PXN: variants seen among roughly 807,000 people sequenced by gnomAD.
PXN encodes the protein paxillin.
A neutral mutation model predicts 103.6 loss-of-function variants in PXN; 61 were observed. The ratio of observed to expected loss-of-function variants is 0.59; its 90% CI spans 0.48 to 0.73. The LOEUF (loss-of-function observed/expected upper bound fraction) is 0.73, where lower values mean the gene tolerates loss of function less well. Among genes scored for constraint, PXN ranks in the 30% least tolerant of loss-of-function variants. The pLI is 0.00. For missense variants in PXN, 1,274 were observed against 1,460.3 expected, an observed-to-expected ratio of 0.87 and a Z score of 2.08; for synonymous variants, 562 against 607.8, an observed-to-expected ratio of 0.92 and a Z score of 1.11.
chr12:120,244,443 G>A (rs1336271081), intron 1 of PXN, among the ~76,000 whole-genome samples: 2 of 151,574 alleles, frequency 1.3e-5, no homozygotes, highest in Non-Finnish European at 2.9e-5. Flanking sequence ...TCAGGAGATC[G>A]AGACCATCCT....
At chr12:120,258,517 G>A (rs1048440926) in intron 1 of PXN, among the ~76,000 whole-genome samples, 9 of 152,110 alleles carry the variant, frequency 5.9e-5, no homozygotes, top group Non-Finnish European at 1.2e-4. Context: ...CAGTCATTCA[G>A]GCCAACCATA....
At position 120,215,899 on chromosome 12, in the gene PXN, G is replaced by C; in HGVS notation, c.2302-238C>G. 5 of 1,382,598 alleles carry C rather than the reference G, an allele frequency of 3.6e-6. No homozygotes were observed. Among genetic ancestry groups the C allele is most frequent in the Non-Finnish European group, 9.4e-7 (1 of 1,062,994 alleles). 85.6% of individuals were successfully genotyped at this position (1,382,598 alleles called of 1,614,324 possible). A position where few individuals can be genotyped will look rare whatever the true frequency, so the allele number is the denominator to read the frequency against. ...CCAAAGGCAGAGGAAATGGCAAGGG[G>C]AGGTGGCCGGGCTCAGTGATGAGGC... On this transcript the variant is annotated intron_variant, in intron 9 of 14. Transcript: ENST00000637617. The surrounding 1 kb of genome is among the most constrained non-coding windows in gnomAD (Gnocchi z 4.9).
intron 1 of PXN, among the ~76,000 whole-genome samples, chr12:120,231,557 C>T (rs2136416896): frequency 6.6e-6 from 1 of 152,164 alleles, no homozygotes; most frequent in African/African-American, 2.4e-5. Flanking sequence ...CAGTCAGCCG[C>T]CAGGGGAGGA....
chr12:120,213,815 C>T lies in PXN; in HGVS notation c.2979+27G>A. ...TCTCCCCACTGCCTGCTCCTCGCCC[C>T]TCCAGATGTGGTCAGGGGCTCCTTA... is the stretch of plus-strand genomic sequence containing the variant. On this transcript the variant is annotated intron_variant, in intron 14 of 14. Transcript: ENST00000637617. The surrounding 1 kb of genome is among the most constrained non-coding windows in gnomAD (Gnocchi z 4.2). The T allele has an allele frequency of 6.2e-7, 1 of 1,602,194 alleles. No homozygotes were observed. The highest frequency in any genetic ancestry group is 1.7e-4 in the Middle Eastern group (1 of 6,024).
chr12:120,232,386 C>T (rs567022062), intron 1 of PXN, among the ~76,000 whole-genome samples: 146 of 152,332 alleles, frequency 9.6e-4, no homozygotes, highest in Non-Finnish European at 1.8e-3. Flanking sequence ...GCCCTCCCTC[C>T]TCCAGAGGTC....
Position 120,212,262 on chromosome 12 carries a change from C to T in PXN, c.*52G>A, listed in dbSNP as rs1293695629. The T allele has an allele frequency of 1.3e-5, 21 of 1,585,840 alleles. No individual in the cohort carries two copies. Among genetic ancestry groups the T allele is most frequent in the East Asian group, 6.7e-5 (3 of 44,568 alleles). Reference sequence around the variant, plus strand: ...CCGGGTGAAGTCTCTAGGTCACAGTCGCAGTTGGGGATGCTGGCTGGGGAA... The same window carrying T: ...CCGGGTGAAGTCTCTAGGTCACAGTTGCAGTTGGGGATGCTGGCTGGGGAA... On this transcript the variant is annotated 3_prime_UTR_variant, in exon 15 of 15. Transcript: ENST00000637617. This position sits in a 1 kb window ranked among gnomAD's most constrained non-coding sequence, Gnocchi z 7.2.
intron 1 of PXN, among the ~76,000 whole-genome samples, chr12:120,253,379 A>G (rs191159881): frequency 1.0e-3 from 156 of 152,196 alleles, no homozygotes; most frequent in Non-Finnish European, 1.8e-3. Flanking sequence ...AGGCTGAGAC[A>G]GGAGAATTGC....
Position 120,219,791 on chromosome 12 carries a change from C to T in PXN, c.1132G>A (p.Glu378Lys). 1.3e-6 allele frequency: 2 copies of T among 1,598,294 alleles called. No homozygotes were observed. The highest frequency in any genetic ancestry group is 1.7e-6 in the Non-Finnish European group (2 of 1,179,738). Residue 378 changes from glutamate (E) to lysine (K), a missense_variant, in exon 7 of 15, where the codon GAG (glutamate) becomes AAG (lysine). Physicochemically the swap from Glu to Lys is moderately conservative, Grantham distance 56. Coordinates refer to ENST00000637617, the MANE Select transcript of PXN (RefSeq NM_001385981.1). The surrounding 1 kb of genome is among the most constrained non-coding windows in gnomAD (Gnocchi z 6.5). ...VEGSLWAVGT[E>K]SQGRDWRHLP... is the part of the protein sequence containing the mutation. ...TGCCTCCAATCTCGACCCTGACTCT[C>T]TGTGCCCACTGCCCACAGAGAACCC...
chr12:120,215,856 G>A lies in PXN; in HGVS notation c.2302-195C>T. On this transcript the variant is annotated intron_variant, in intron 9 of 14. Coordinates refer to ENST00000637617, the MANE Select transcript of PXN (RefSeq NM_001385981.1). The surrounding 1 kb of genome is among the most constrained non-coding windows in gnomAD (Gnocchi z 4.9). ...AGAGGCCTAGGGAGAAAGGAAGAAGGACAGGGAGGGGAGTCGACCAAAGGC... is the reference window on the plus strand; with the variant it reads ...AGAGGCCTAGGGAGAAAGGAAGAAGAACAGGGAGGGGAGTCGACCAAAGGC... 3 of 1,308,090 alleles carry A rather than the reference G, an allele frequency of 2.3e-6. No homozygotes were observed. The highest frequency in any genetic ancestry group is 3.0e-6 in the Non-Finnish European group (3 of 996,146). The allele number at this position is 1,308,090 out of a possible 1,614,324, so 81.0% of individuals were successfully genotyped here.
In PXN at chr12:120,224,015, G is replaced by A; in HGVS notation, c.240+136C>T. The A allele has an allele frequency of 3.7e-6, 3 of 812,020 alleles. No homozygotes were observed. The highest frequency in any genetic ancestry group is 3.9e-6 in the Non-Finnish European group (2 of 519,442). The allele number at this position is 812,020 out of a possible 1,614,324, so 50.3% of individuals were successfully genotyped here. On this transcript the variant is annotated intron_variant, in intron 2 of 14. Transcript: ENST00000637617. This position sits in a 1 kb window ranked among gnomAD's most constrained non-coding sequence, Gnocchi z 5.0. ...TCACTGTTCCACTCACGTGGTGAGT[G>A]GGAAGAGCAGTGTCTGGTTGGGAAG...
chr12:120,253,538 C>G (rs1892541458), intron 1 of PXN, among the ~76,000 whole-genome samples: 1 of 152,180 alleles, frequency 6.6e-6, no homozygotes, highest in Non-Finnish European at 1.5e-5. Context: ...ACCCAAGGTG[C>G]AGGTTCTTGC....
intron 1 of PXN, among the ~76,000 whole-genome samples, chr12:120,262,724 A>G (rs917289785): frequency 6.6e-6 from 1 of 152,200 alleles, no homozygotes; most frequent in African/African-American, 2.4e-5. Context: ...CAATCGGGTT[A>G]GAAAACACAG....
At position 120,222,933 on chromosome 12, in the gene PXN, G is replaced by T; in HGVS notation, c.423C>A (p.Asn141Lys). 1.2e-6 allele frequency: 2 copies of T among 1,613,986 alleles called. No homozygotes were observed. Among genetic ancestry groups the T allele is most frequent in the African/African-American group, 1.3e-5 (1 of 75,054 alleles). ...GCAGCAGGCGGTCGAGTTCAGAAAG[G>T]TTGCTGCCCAGGGACGTGCTCATTA... ...PTVMSTSLGS[N>K]LSELDRLLLE... The change falls in exon 4 of 15, where the codon AAC (asparagine) becomes AAA (lysine). Residue 141 changes from asparagine to lysine, a missense_variant. By Grantham distance (94) the Asn-to-Lys change is moderately conservative (BLOSUM62 0). Transcript: ENST00000637617. This position sits in a 1 kb window ranked among gnomAD's most constrained non-coding sequence, Gnocchi z 4.7.
In PXN at chr12:120,228,482, G is replaced by A. The variant is rs938330684; in HGVS notation, c.14-4105C>T. Among the ~76,000 whole-genome samples, 7 of 152,248 alleles carry A rather than the reference G, an allele frequency of 4.6e-5. No individual in the cohort carries two copies. Among genetic ancestry groups the A allele is most frequent in the Admixed American group, 3.9e-4 (6 of 15,286 alleles). ...AGCTATGTCCTGGCTCCGCCCTGGT[G>A]AGGAAGGGGTGCAGACTGTCTGCTG... On this transcript the variant is annotated intron_variant, in intron 1 of 14. Transcript: ENST00000637617. This position sits in a 1 kb window ranked among gnomAD's most constrained non-coding sequence, Gnocchi z 4.7.
intron 1 of PXN, chr12:120,250,190 G>A: frequency 1.0e-6 from 1 of 985,430 alleles, no homozygotes; most frequent in Non-Finnish European, 1.2e-6. Context: ...ACCAAGTGCA[G>A]GCCATTGGAC....
At chr12:120,264,072 C>T (rs190500291) in intron 1 of PXN, among the ~76,000 whole-genome samples, 13 of 152,230 alleles carry the variant, frequency 8.5e-5, no homozygotes, top group Admixed American at 7.8e-4. Context: ...CTTGAGCACA[C>T]TGGAAAAATG....
chr12:120,257,703 G>C (rs940011473), intron 1 of PXN, among the ~76,000 whole-genome samples: 1 of 152,212 alleles, frequency 6.6e-6, no homozygotes, highest in Non-Finnish European at 1.5e-5. Context: ...TTCCAGGAGG[G>C]GGAGCCTGAA....
Position 120,211,926 on chromosome 12 carries a change from C to T in PXN, c.*388G>A, listed in dbSNP as rs753145814. 1 of 535,184 alleles carries T rather than the reference C, an allele frequency of 1.9e-6. No homozygotes were observed. The allele number at this position is 535,184 out of a possible 1,614,324, so 33.2% of individuals were successfully genotyped here. A position where few individuals can be genotyped will look rare whatever the true frequency, so the allele number is the denominator to read the frequency against. On this transcript the variant is annotated 3_prime_UTR_variant, in exon 15 of 15. Coordinates refer to ENST00000637617, the MANE Select transcript of PXN (RefSeq NM_001385981.1). The stretch of plus-strand genomic sequence containing the variant: ...GGGAGGAATAAGGATAAAAAGAGAC[C>T]CCAACAGACCCTGCCTGCCCTTCCC...
chr12:120,257,177 G>A (rs766082112), intron 1 of PXN, among the ~76,000 whole-genome samples: 4 of 152,146 alleles, frequency 2.6e-5, no homozygotes, highest in African/African-American at 9.7e-5. Flanking sequence ...AGAGTTCTAC[G>A]ATTCAAAACA....
Sources: allele counts gnomAD v4.1 joint callset (sites outside exome capture counted in the v4.1 genomes callset), GRCh38; gene constraint gnomAD v4.1.1; non-coding constraint Gnocchi (gnomAD v3.1); transcripts MANE v1.5; gene names NCBI Gene and HGNC (gene_info 2026-07-23, HGNC 2026-07-21).